Variants in COL16A1 observed in about 807,000 individuals in gnomAD.
COL16A1 encodes the protein collagen type XVI alpha 1 chain.
Under a neutral mutation model 266.3 loss-of-function variants are expected in COL16A1, and 189 were observed. The ratio of observed to expected loss-of-function variants is 0.71; its 90% confidence interval spans 0.63 to 0.80. COL16A1 has a LOEUF of 0.80. Ranked by LOEUF, COL16A1 falls within the 30% of genes least tolerant of loss-of-function variation. The pLI is 0.00. For missense variants in COL16A1, 1,928 were observed against 2,122.4 expected (o/e 0.91, Z 1.80); for synonymous variants, 740 against 782.3 (o/e 0.95, Z 0.90).
chr1:31,697,268 G>A lies in COL16A1; in HGVS notation c.690C>T (p.Asp230=). The change falls in exon 7 of 71, where the codon GAC becomes GAT. Residue 230 remains aspartate (D), a synonymous_variant. Transcript: ENST00000373672. This position sits in a 1 kb window ranked among gnomAD's most constrained non-coding sequence, Gnocchi z 4.2. ...AGCCCTCCTCCAGCACGAGCTCCGG[G>A]TCACAGTAGATGTGCACCTGCTGAA... is the stretch of plus-strand genomic sequence containing the variant. ...FDLQQVHIYC[D]PELVLEEGCC... 6.2e-7 allele frequency: 1 copy of A among 1,612,234 alleles called. No individual in the cohort carries two copies. The highest frequency in any genetic ancestry group is 8.5e-7 in the Non-Finnish European group (1 of 1,179,222).
intron 23 of COL16A1, 57 bp from the exon 24 acceptor site, chr1:31,689,142 T>C: frequency 6.2e-7 from 1 of 1,611,458 alleles, no homozygotes; most frequent in South Asian, 1.1e-5. Context: ...ACCCCCAAAC[T>C]CCCTGGCAAT....
rs760705300 is a variant in COL16A1, at chr1:31,671,600, A to G, written c.3150+15T>C. ...GAGAGCTTCTCAAGCAGACCAGGGC[A>G]CCACTGATACTTACGATAGGGCCTG... On this transcript the variant is annotated intron_variant, in intron 48 of 70. Transcript: ENST00000373672. 1.9e-6 allele frequency: 3 copies of G among 1,614,012 alleles called. No homozygotes were observed. The highest frequency in any genetic ancestry group is 2.5e-6 in the Non-Finnish European group (3 of 1,179,974).
intron 44 of COL16A1, among the ~76,000 whole-genome samples, chr1:31,674,764 G>C (rs76650904): frequency 6.6e-6 from 1 of 152,180 alleles, no homozygotes; most frequent in Non-Finnish European, 1.5e-5. Flanking sequence ...GGGTTCTGCC[G>C]ACAGCATCTG....
At chr1:31,684,079 C>T (rs374734532) in intron 32 of COL16A1, 30 bp downstream of exon 32, 1 of 1,609,842 alleles carries the variant, frequency 6.2e-7, no homozygotes, top group Non-Finnish European at 8.5e-7. Context: ...AAAGCCCAGG[C>T]AGGGAAGGGC....
At chr1:31,690,975 C>T (rs1427493064) in intron 20 of COL16A1, among the ~76,000 whole-genome samples, 4 of 152,104 alleles carry the variant, frequency 2.6e-5, no homozygotes, top group Admixed American at 2.0e-4. Context: ...GGAACACAGG[C>T]GGAGGTTGCA....
intron 26 of COL16A1, among the ~76,000 whole-genome samples, chr1:31,687,319 T>C (rs186676645): frequency 4.1e-5 from 6 of 146,928 alleles, no homozygotes; most frequent in Non-Finnish European, 9.0e-5. Context: ...GAGGTGGAGG[T>C]TGCAGTGAGC....
rs977493438 is a variant in COL16A1, at chr1:31,670,349, C to T, written c.3195+253G>A. 93 of 409,434 alleles carry T rather than the reference C, an allele frequency of 2.3e-4. No individual in the cohort carries two copies. The highest frequency in any genetic ancestry group is 2.7e-4 in the Admixed American group (6 of 22,492). The allele number at this position is 409,434 out of a possible 1,614,324, so 25.4% of individuals were successfully genotyped here. On this transcript the variant is annotated intron_variant, in intron 49 of 70. Transcript: ENST00000373672. The surrounding 1 kb of genome is among the most constrained non-coding windows in gnomAD (Gnocchi z 4.5). ...CGAGAAATGGAGAAGGAAGACAGAA[C>T]GGGGTAAGAGAGAGAAGAGGAGAGA...
At chr1:31,665,528 C>G (rs1570393305) in intron 55 of COL16A1, 55 bp downstream of exon 55, 2 of 1,613,770 alleles carry the variant, frequency 1.2e-6, no homozygotes, top group East Asian at 2.2e-5. Context: ...GTCAGGCCTG[C>G]CCCTCCCGAT....
chr1:31,672,704 C>T lies in COL16A1; in HGVS notation c.2976+20G>A. On this transcript the variant is annotated intron_variant, in intron 45 of 70. Transcript: ENST00000373672. ...CAGGGAACCCTCCTGCATAGGGCAGCCCCAAGCCCAGTCCCTTACCTGGGC... is the reference window on the plus strand; with the variant it reads ...CAGGGAACCCTCCTGCATAGGGCAGTCCCAAGCCCAGTCCCTTACCTGGGC... 1 of 1,612,578 alleles carries T rather than the reference C, an allele frequency of 6.2e-7. No homozygotes were observed. Among genetic ancestry groups the T allele is most frequent in the African/African-American group, 1.3e-5 (1 of 75,056 alleles).
intron 52 of COL16A1, among the ~76,000 whole-genome samples, chr1:31,666,823 T>A (rs1642186004): frequency 6.6e-6 from 1 of 152,014 alleles, no homozygotes; most frequent in South Asian, 2.1e-4. Context: ...TCCAGCCCCT[T>A]CCCCTGTCCC....
At chr1:31,671,681 A>C (rs1642721593) in intron 47 of COL16A1, 22 bp from the exon 48 acceptor site, 1 of 1,613,800 alleles carries the variant, frequency 6.2e-7, no homozygotes, top group African/African-American at 1.3e-5. Context: ...GCCAAGGGAA[A>C]TGGATGAAGA....
chr1:31,697,065 G>A lies in COL16A1; in HGVS notation c.762C>T (p.Ala254=). 6.2e-7 allele frequency: 1 copy of A among 1,614,180 alleles called. No individual in the cohort carries two copies. The change falls in exon 8 of 71, where the codon GCC becomes GCT. Residue 254 remains alanine (A), a synonymous_variant. Coordinates refer to ENST00000373672, the MANE Select transcript of COL16A1 (RefSeq NM_001856.4). The surrounding 1 kb of genome is among the most constrained non-coding windows in gnomAD (Gnocchi z 4.2). ...GCTCATTGCTCTGGGTGTCCCGGCG[G>A]GCCTTGGAGGTCTCTGGGGGGCACT... The part of the protein sequence containing the change: ...PAGCPPETSK[A]RRDTQSNELI...
At chr1:31,691,798 G>A (rs1250874273) in intron 17 of COL16A1, among the ~76,000 whole-genome samples, 156 bp from the exon 18 acceptor site, 1 of 152,098 alleles carries the variant, frequency 6.6e-6, no homozygotes, top group East Asian at 1.9e-4. Context: ...CAACCTTATG[G>A]TGTTAGAGGT....
intron 26 of COL16A1, among the ~76,000 whole-genome samples, chr1:31,686,841 T>C (rs906255156): frequency 6.6e-6 from 1 of 152,222 alleles, no homozygotes; most frequent in Non-Finnish European, 1.5e-5. Flanking sequence ...TGGATGCTTC[T>C]AGTGGGAACC....
intron 40 of COL16A1, 94 bp from the exon 41 acceptor site, chr1:31,679,945 T>C: frequency 2.6e-6 from 4 of 1,557,806 alleles, no homozygotes; most frequent in South Asian, 1.2e-5. Flanking sequence ...CTGGCTGGGG[T>C]GCGTGGCCCT....
chr1:31,701,200 T>C (rs183775943), intron 2 of COL16A1, among the ~76,000 whole-genome samples: 4 of 152,240 alleles, frequency 2.6e-5, no homozygotes, highest in Admixed American at 2.6e-4. Context: ...AGACCATCAC[T>C]GTCTTCAGCA....
chr1:31,688,525 T>G lies in COL16A1; in HGVS notation c.1768-23A>C. 6.2e-7 allele frequency: 1 copy of G among 1,613,572 alleles called. No individual in the cohort carries two copies. Among genetic ancestry groups the G allele is most frequent in the Middle Eastern group, 1.7e-4 (1 of 6,060 alleles). ...ACCCTGAAAAACAACCAAGACAGAGTCTCAGCATCTCCCCACTCCCACCTC... is the reference window on the plus strand; with the variant it reads ...ACCCTGAAAAACAACCAAGACAGAGGCTCAGCATCTCCCCACTCCCACCTC... On this transcript the variant is annotated intron_variant, in intron 25 of 70. Coordinates refer to ENST00000373672, the MANE Select transcript of COL16A1 (RefSeq NM_001856.4). The surrounding 1 kb of genome is among the most constrained non-coding windows in gnomAD (Gnocchi z 4.9).
chr1:31,658,517 G>A lies in COL16A1; in HGVS notation c.3991C>T (p.Pro1331Ser). The change falls in exon 64 of 71, where the codon CCC (proline) becomes TCC (serine). Residue 1331 changes from proline (P) to serine (S), a missense_variant. Around this residue, in one of 2 missense-constraint regions of COL16A1, gnomAD observed 376 missense variants for 485.2 expected, o/e 0.77. Coordinates refer to ENST00000373672, the MANE Select transcript of COL16A1 (RefSeq NM_001856.4). ...ERGLAGLPGQ[P>S]GPPGHPGPPG... is the part of the protein sequence containing the mutation. ...GGGCCAGGGTGTCCAGGGGGGCCGG[G>A]CTGGCCTGGGAGGCCTGCAAGGCCC... The A allele has an allele frequency of 1.2e-6, 2 of 1,605,132 alleles. No homozygotes were observed. Among genetic ancestry groups the A allele is most frequent in the Non-Finnish European group, 1.7e-6 (2 of 1,176,802 alleles).
At chr1:31,661,247 A>T in intron 60 of COL16A1, 128 bp from the exon 61 acceptor site, 1 of 1,475,922 alleles carries the variant, frequency 6.8e-7, no homozygotes, top group Non-Finnish European at 9.2e-7. Context: ...GATGCCCTCC[A>T]GCTGGTAGAC....
Sources: allele counts gnomAD v4.1 joint callset (sites outside exome capture counted in the v4.1 genomes callset), GRCh38; gene constraint gnomAD v4.1.1; regional missense constraint gnomAD v4.1.1; non-coding constraint Gnocchi (gnomAD v3.1); transcripts MANE v1.5; gene names NCBI Gene and HGNC (gene_info 2026-07-23, HGNC 2026-07-21).